The following ERC2 variants were observed in gnomAD, a reference collection of about 807,000 sequenced individuals.
ERC2 encodes ELKS/RAB6-interacting/CAST family member 2.
In ERC2, 42 loss-of-function variants were observed where a neutral mutation model predicts 114.8. The observed-to-expected ratio is 0.37, with a 90% CI of 0.29 to 0.47. ERC2 has a LOEUF of 0.47. Among genes scored for constraint, ERC2 ranks in the 20% least tolerant of loss-of-function variants. The probability of loss-of-function intolerance (pLI) is 0.99; values close to 1 mark genes in which losing one functional copy is unlikely to be tolerated. For synonymous variants in ERC2, 454 were observed against 425.5 expected (o/e 1.07, Z -0.82); for missense variants, 939 against 1,150.7 (o/e 0.82, Z 2.66).
intron 14 of ERC2, among the ~76,000 whole-genome samples, chr3:55,838,787 A>G (rs75334538): frequency 0.018 from 2,710 of 152,064 alleles, 75 homozygotes; most frequent in African/African-American, 0.06. Flanking sequence ...ACCCTCAGAC[A>G]TAAATAGGGA....
intron 17 of ERC2, among the ~76,000 whole-genome samples, chr3:55,635,270 G>A (rs1209045811): frequency 6.6e-6 from 1 of 152,076 alleles, no homozygotes; most frequent in Non-Finnish European, 1.5e-5. Flanking sequence ...CGAATATTTA[G>A]ACAAATCCTC....
At chr3:56,391,899 A>G (rs1203485265) in intron 2 of ERC2, among the ~76,000 whole-genome samples, 1 of 152,214 alleles carries the variant, frequency 6.6e-6, no homozygotes, top group Non-Finnish European at 1.5e-5. Context: ...AGGCATCATA[A>G]TATCCCAGAT....
chr3:56,257,917 C>T (rs1160022108), intron 3 of ERC2, among the ~76,000 whole-genome samples: 1 of 152,224 alleles, frequency 6.6e-6, no homozygotes, highest in Non-Finnish European at 1.5e-5. Flanking sequence ...CTTCAGTTCA[C>T]AATGGAGATA....
At position 56,285,032 on chromosome 3, in the gene ERC2, TACACACACAC is replaced by T. The variant is rs10575135; in HGVS notation, c.1074+10977_1074+10986del. Among the ~76,000 whole-genome samples the T allele has an allele frequency of 1.6e-3, 172 of 106,896 alleles. 1 individual carries two copies. Among genetic ancestry groups the T allele is most frequent in the African/African-American group, 5.4e-3 (146 of 27,196 alleles). The allele number at this position is 106,896 out of a possible 152,430, so 70.1% of individuals were successfully genotyped here. ...TCTCTCACACACACACACACACACA[TACACACACAC>T]ACACACACACACACACACACACACA... On this transcript the variant is annotated intron_variant, in intron 3 of 17. Transcript: ENST00000288221.
At chr3:56,355,239 G>A (rs1038163165) in intron 2 of ERC2, among the ~76,000 whole-genome samples, 4 of 152,070 alleles carry the variant, frequency 2.6e-5, no homozygotes, top group African/African-American at 9.7e-5. Flanking sequence ...ATATTAAGAT[G>A]AGAACACACT....
chr3:56,431,648 T>A (rs1292756549), intron 2 of ERC2, among the ~76,000 whole-genome samples: 1 of 152,226 alleles, frequency 6.6e-6, no homozygotes, highest in Admixed American at 6.5e-5. Flanking sequence ...AAAGGGATCC[T>A]AATATACTTC....
rs978381590 is a variant in ERC2 at position 56,326,037 on chromosome 3, C to T, written c.658-29602G>A. ...CCAAGCTCCATGTCACGTGGCCCTACTCCTCACTCTCCTTCTTCTAGCGGC... is the reference window on the plus strand; with the variant it reads ...CCAAGCTCCATGTCACGTGGCCCTATTCCTCACTCTCCTTCTTCTAGCGGC... On this transcript the variant is annotated intron_variant, in intron 2 of 17. Transcript: ENST00000288221. Among the ~76,000 whole-genome samples, 4 of 152,238 alleles carry T rather than the reference C, an allele frequency of 2.6e-5. No homozygotes were observed. The South Asian group carries it at 8.3e-4, about 31-fold the overall frequency.
Position 55,509,723 on chromosome 3 carries a change from G to A in ERC2, c.*1593C>T, listed in dbSNP as rs2051960131. 6.6e-6 allele frequency: 1 copy of A among 152,570 alleles called. No homozygotes were observed. The highest frequency in any genetic ancestry group is 1.5e-5 in the Non-Finnish European group (1 of 68,030). The allele number at this position is 152,570 out of a possible 1,614,324, so 9.5% of individuals were successfully genotyped here. On this transcript the variant is annotated 3_prime_UTR_variant, in exon 18 of 18. Transcript: ENST00000288221. ...AAATATCTCTATGGCTCACAAGAGA[G>A]GTCCAGAGTTAATTGCACCAACATT...
chr3:56,330,699 A>G lies in ERC2; in HGVS notation c.658-34264T>C, dbSNP rs556468293. 3.9e-4 allele frequency among the ~76,000 whole-genome samples: 60 copies of G among 152,358 alleles called. 1 individual carries two copies. Among genetic ancestry groups the G allele is most frequent in the Middle Eastern group, 3.4e-3 (1 of 294 alleles). ...GACTCGCAACAAAAATGCACAATGG[A>G]GCATTTTGGATTTCGAATTTGGGAT... On this transcript the variant is annotated intron_variant, in intron 2 of 17. Transcript: ENST00000288221.
At chr3:55,824,725 C>G (rs775363438) in intron 14 of ERC2, among the ~76,000 whole-genome samples, 9 of 152,168 alleles carry the variant, frequency 5.9e-5, no homozygotes, top group Middle Eastern at 3.4e-3. Flanking sequence ...AATTTCAGTG[C>G]CTTTTGGGGG....
chr3:55,521,017 GA>G (rs2052892606), intron 17 of ERC2, among the ~76,000 whole-genome samples: 1 of 152,210 alleles, frequency 6.6e-6, no homozygotes, highest in South Asian at 2.1e-4. Context: ...TTACTGACCA[GA>G]AGTGGCTCCA....
At chr3:55,709,677 A>G (rs1234586327) in intron 15 of ERC2, among the ~76,000 whole-genome samples, 3 of 152,206 alleles carry the variant, frequency 2.0e-5, no homozygotes. Flanking sequence ...AGCAGAATGG[A>G]AGGGCATAAA....
intron 2 of ERC2, among the ~76,000 whole-genome samples, chr3:56,298,079 C>T (rs2055573763): frequency 6.6e-6 from 1 of 152,132 alleles, no homozygotes; most frequent in South Asian, 2.1e-4. Context: ...ACAATGCTCC[C>T]CTATAAAGTG....
intron 14 of ERC2, among the ~76,000 whole-genome samples, chr3:55,816,682 G>C (rs543628526): frequency 1.3e-5 from 2 of 152,184 alleles, no homozygotes; most frequent in African/African-American, 4.8e-5. Context: ...CAGAGGAAAG[G>C]CTGTGATTGC....
intron 14 of ERC2, among the ~76,000 whole-genome samples, chr3:55,860,394 C>A (rs2061979342): frequency 6.6e-6 from 1 of 152,186 alleles, no homozygotes; most frequent in Non-Finnish European, 1.5e-5. Context: ...GCCTCATCCG[C>A]CTCCTTTTTT....
chr3:55,803,887 C>T (rs997355432), intron 14 of ERC2, among the ~76,000 whole-genome samples: 1 of 152,090 alleles, frequency 6.6e-6, no homozygotes. Flanking sequence ...CACTTCAGTC[C>T]CCACTTTCCA....
chr3:56,325,736 A>G (rs2057333579), intron 2 of ERC2, among the ~76,000 whole-genome samples: 1 of 152,192 alleles, frequency 6.6e-6, no homozygotes, highest in Admixed American at 6.5e-5. Flanking sequence ...AGGATCTTTT[A>G]TGCATTTTTC....
intron 17 of ERC2, among the ~76,000 whole-genome samples, chr3:55,590,297 G>A (rs1184031258): frequency 6.6e-6 from 1 of 152,132 alleles, no homozygotes; most frequent in Non-Finnish European, 1.5e-5. Flanking sequence ...TCATCCCGTT[G>A]GTGGGTGCAT....
intron 13 of ERC2, 52 bp from the exon 14 acceptor site, chr3:55,888,601 G>C: frequency 6.3e-7 from 1 of 1,599,512 alleles, no homozygotes; most frequent in Non-Finnish European, 8.6e-7. Flanking sequence ...TCAAGCACAA[G>C]ACATCCCTTG....
Sources: gnomAD v4.1 joint callset for allele counts (sites outside exome capture counted in the v4.1 genomes callset) on GRCh38, gnomAD v4.1.1 for gene constraint, MANE v1.5 for transcripts, NCBI Gene and HGNC (gene_info 2026-07-23, HGNC 2026-07-21) for gene names.